SPACA1: variants seen among roughly 807,000 people sequenced by gnomAD.
The protein encoded by SPACA1 is sperm acrosome associated 1.
A neutral mutation model predicts 32.6 loss-of-function variants in SPACA1; 17 were observed. That is an observed-to-expected ratio of 0.52 (90% CI 0.36 to 0.78). SPACA1 has a LOEUF of 0.78. Among genes scored for constraint, SPACA1 ranks in the 30% least tolerant of loss-of-function variants. The pLI is 0.01. For missense variants in SPACA1, 363 were observed against 373.4 expected, an observed-to-expected ratio of 0.97 and a Z score of 0.23; for synonymous variants, 140 against 138.1, an observed-to-expected ratio of 1.01 and a Z score of -0.10.
chr6:88,052,807 A>G (rs1441575268), intron 1 of SPACA1, among the ~76,000 whole-genome samples: 1 of 152,216 alleles, frequency 6.6e-6, no homozygotes, highest in Admixed American at 6.5e-5. Context: ...ACTACACTCC[A>G]GCCTGGGCAA....
intron 5 of SPACA1, 85 bp downstream of exon 5, chr6:88,059,673 G>T (rs1422528618): frequency 2.2e-6 from 3 of 1,333,434 alleles, no homozygotes; most frequent in Non-Finnish European, 3.0e-6. Flanking sequence ...TAAAACACCA[G>T]TCTCTAGCCC....
intron 6 of SPACA1, chr6:88,064,466 C>T (rs1290959525): frequency 8.4e-6 from 2 of 238,594 alleles, no homozygotes; most frequent in African/African-American, 4.5e-5. Context: ...GCAACTTTTA[C>T]AATTTTACAC....
At position 88,049,930 on chromosome 6, in the gene SPACA1, C is replaced by T. The variant is rs1383562134; in HGVS notation, c.208+1817C>T. On this transcript the variant is annotated intron_variant, in intron 1 of 6. Transcript: ENST00000237201. Reference sequence around the variant, plus strand: ...TTTTGCACTTGTATTGTCAAAAAAACCAACACTTTTGAAAACTACAAAGGC... The same window carrying T: ...TTTTGCACTTGTATTGTCAAAAAAATCAACACTTTTGAAAACTACAAAGGC... Among the ~76,000 whole-genome samples the T allele has an allele frequency of 3.3e-5, 5 of 152,082 alleles. No homozygotes were observed. The East Asian group carries it at 7.7e-4, about 23-fold the overall frequency.
At position 88,047,878 on chromosome 6, in the gene SPACA1, C is replaced by A; in HGVS notation, c.-28C>A. 1.3e-6 allele frequency: 2 copies of A among 1,511,680 alleles called. No individual in the cohort carries two copies. The highest frequency in any genetic ancestry group is 1.8e-6 in the Non-Finnish European group (2 of 1,127,232). The allele number at this position is 1,511,680 out of a possible 1,614,324, so 93.6% of individuals were successfully genotyped here. On this transcript the variant is annotated 5_prime_UTR_variant, in exon 1 of 7. Transcript: ENST00000237201. ...CTCAGGAGCCGCGGCGGCGACTGCG[C>A]CTCGGACGGCCGTCGGGGCCGAGAA...
intron 6 of SPACA1, among the ~76,000 whole-genome samples, chr6:88,065,099 A>G (rs1775958471): frequency 1.3e-5 from 2 of 148,806 alleles, no homozygotes. Context: ...TGTAACTATT[A>G]TAAATATCAT....
chr6:88,058,602 C>A, intron 3 of SPACA1, 114 bp from the exon 4 acceptor site: 1 of 675,620 alleles, frequency 1.5e-6, no homozygotes, highest in Non-Finnish European at 2.5e-6. Flanking sequence ...TCATGCCACT[C>A]TACTCCAGCC....
chr6:88,066,364 G>C lies in SPACA1; in HGVS notation c.*29G>C. ...TTGAATGATATATAACAAACCAAAG[G>C]ATATTACAGAATATTAGATTCATTA... is the stretch of plus-strand genomic sequence containing the variant. On this transcript the variant is annotated 3_prime_UTR_variant, in exon 7 of 7. Transcript: ENST00000237201. 6.4e-7 allele frequency: 1 copy of C among 1,555,618 alleles called. No individual in the cohort carries two copies. The highest frequency in any genetic ancestry group is 1.7e-4 in the Middle Eastern group (1 of 5,836).
rs539640565 is a variant in SPACA1, at chr6:88,053,884, G to A, written c.209-62G>A. On this transcript the variant is annotated intron_variant, in intron 1 of 6. Transcript: ENST00000237201. ...ACATGTCTTTCATCTCCAAGTAAGA[G>A]GTGTTTCACTTAGAAAAGTTTTCAT... 4.1e-4 allele frequency: 565 copies of A among 1,364,788 alleles called. 5 individuals carry two copies. The South Asian group carries it at 6.5e-3, about 16-fold the overall frequency. 84.5% of individuals were successfully genotyped at this position (1,364,788 alleles called of 1,614,324 possible).
rs1441907690 is a variant in SPACA1, at chr6:88,066,232, A to G, written c.782A>G (p.Gln261Arg). The change falls in exon 7 of 7, where the codon CAA becomes CGA. Residue 261 changes from glutamine (Q) to arginine (R), a missense_variant. Coordinates refer to ENST00000237201, the MANE Select transcript of SPACA1 (RefSeq NM_030960.3). ...WGAKASTPEV[Q>R]SEQSSVRYKD... ...GCAAAAGCCTCTACACCTGAGGTAC[A>G]ATCCGAGCAGAGTTCTGTGAGATAC... is the stretch of plus-strand genomic sequence containing the variant. 3.7e-6 allele frequency: 6 copies of G among 1,611,926 alleles called. No individual in the cohort carries two copies. The highest frequency in any genetic ancestry group is 5.1e-6 in the Non-Finnish European group (6 of 1,178,692).
chr6:88,061,428 G>A (rs998286040), intron 5 of SPACA1, among the ~76,000 whole-genome samples: 1 of 66,168 alleles, frequency 1.5e-5, no homozygotes, highest in African/African-American at 6.3e-5. Context: ...GGGCATGCTT[G>A]TGCGCACACA....
At chr6:88,054,696 A>T (rs1055793783) in intron 2 of SPACA1, among the ~76,000 whole-genome samples, 1 of 152,176 alleles carries the variant, frequency 6.6e-6, no homozygotes, top group African/African-American at 2.4e-5. Flanking sequence ...CGGGACAATT[A>T]TCAGAGGATA....
chr6:88,055,618 A>T (rs940018431), intron 2 of SPACA1, among the ~76,000 whole-genome samples: 100 of 152,356 alleles, frequency 6.6e-4, no homozygotes, highest in Non-Finnish European at 1.3e-3. Flanking sequence ...ATTACAGAAA[A>T]TCCCACACCT....
rs1266878646 is a variant in SPACA1 at position 88,047,860 on chromosome 6, G to T, written c.-46G>T. 1 of 1,477,894 alleles carries T rather than the reference G, an allele frequency of 6.8e-7. No homozygotes were observed. The highest frequency in any genetic ancestry group is 1.3e-5 in the South Asian group (1 of 75,592). 91.5% of individuals were successfully genotyped at this position (1,477,894 alleles called of 1,614,324 possible). A position where few individuals can be genotyped will look rare whatever the true frequency, so the allele number is the denominator to read the frequency against. ...CTCTTCGACGTACCTGTCCTCAGGA[G>T]CCGCGGCGGCGACTGCGCCTCGGAC... is the stretch of plus-strand genomic sequence containing the variant. On this transcript the variant is annotated 5_prime_UTR_variant, in exon 1 of 7. Coordinates refer to ENST00000237201, the MANE Select transcript of SPACA1 (RefSeq NM_030960.3).
At chr6:88,050,026 T>G (rs935299826) in intron 1 of SPACA1, among the ~76,000 whole-genome samples, 2 of 152,248 alleles carry the variant, frequency 1.3e-5, no homozygotes, top group African/African-American at 4.8e-5. Context: ...TTTAGATTTA[T>G]AAACACCAAT....
chr6:88,049,247 A>G (rs1466937728), intron 1 of SPACA1, among the ~76,000 whole-genome samples: 1 of 152,230 alleles, frequency 6.6e-6, no homozygotes, highest in Non-Finnish European at 1.5e-5. Context: ...TTGAATTAAC[A>G]ATTTTAGTAT....
chr6:88,066,052 T>G (rs566446281), intron 6 of SPACA1, 130 bp from the exon 7 acceptor site: 2 of 596,612 alleles, frequency 3.4e-6, no homozygotes, highest in African/African-American at 3.7e-5. Context: ...TTGTACCATA[T>G]ATAATATATA....
At chr6:88,059,870 C>T (rs1291988546) in intron 5 of SPACA1, among the ~76,000 whole-genome samples, 5 of 152,212 alleles carry the variant, frequency 3.3e-5, no homozygotes, top group Admixed American at 3.3e-4. Context: ...AATTTCCTCA[C>T]TTTGGGAAAC....
At chr6:88,055,956 G>A (rs1366795425) in intron 2 of SPACA1, among the ~76,000 whole-genome samples, 3 of 152,024 alleles carry the variant, frequency 2.0e-5, no homozygotes, top group Admixed American at 6.5e-5. Flanking sequence ...GCGACAAAGC[G>A]AGACTCCATC....
At chr6:88,064,904 T>C (rs1775954917) in intron 6 of SPACA1, among the ~76,000 whole-genome samples, 2 of 148,070 alleles carry the variant, frequency 1.4e-5, no homozygotes, top group South Asian at 4.2e-4. Flanking sequence ...GTATATAATA[T>C]ATGGGTTATA....
Sources: gnomAD v4.1 joint callset for allele counts (sites outside exome capture counted in the v4.1 genomes callset) on GRCh38, gnomAD v4.1.1 for gene constraint, MANE v1.5 for transcripts, NCBI Gene and HGNC (gene_info 2026-07-23, HGNC 2026-07-21) for gene names.